The following TBC1D1 variants were observed in gnomAD, a reference collection of about 807,000 sequenced individuals.
The protein encoded by TBC1D1 is TBC1 domain family member 1, also known as TBC1 (tre-2/USP6, BUB2, cdc16) domain family, member 1.
Under a neutral mutation model 125.6 loss-of-function variants are expected in TBC1D1, and 89 were observed. The ratio of observed to expected loss-of-function variants is 0.71; its 90% CI spans 0.60 to 0.85. The LOEUF is 0.85. TBC1D1 is among the 40% of genes least tolerant of loss of function. The pLI, the probability that TBC1D1 is intolerant of heterozygous loss-of-function variation, is 0.00. For missense variants in TBC1D1, 1,377 were observed against 1,469.2 expected (o/e 0.94, Z 1.03); for synonymous variants, 565 against 564.1 (o/e 1.00, Z -0.02).
chr4:37,942,598 G>A (rs1725799962), intron 2 of TBC1D1, among the ~76,000 whole-genome samples: 1 of 152,020 alleles, frequency 6.6e-6, no homozygotes, highest in Admixed American at 6.5e-5. Context: ...GAGTGCAGTG[G>A]CACGATCTCG....
chr4:38,057,024 G>T (rs928098342), intron 12 of TBC1D1, among the ~76,000 whole-genome samples: 1 of 152,078 alleles, frequency 6.6e-6, no homozygotes, highest in African/African-American at 2.4e-5. Flanking sequence ...ACAGGGCCTG[G>T]CATAGATGCT....
intron 2 of TBC1D1, among the ~76,000 whole-genome samples, chr4:37,999,085 C>A (rs73236878): frequency 0.091 from 13,909 of 152,078 alleles, 1,282 homozygotes; most frequent in East Asian, 0.47. Context: ...CCTGTTTCCA[C>A]TAAAAATACA....
At position 37,921,065 on chromosome 4, in the gene TBC1D1, G is replaced by A. The variant is rs1251260701; in HGVS notation, c.417+18553G>A. Among the ~76,000 whole-genome samples the A allele has an allele frequency of 4.3e-5, 6 of 140,308 alleles. No individual in the cohort carries two copies. The East Asian group carries it at 8.7e-4, about 20-fold the overall frequency. The allele number at this position is 140,308 out of a possible 152,430, so 92.0% of individuals were successfully genotyped here. On this transcript the variant is annotated intron_variant, in intron 2 of 19. Transcript: ENST00000261439. ...GCGAAGGTTGCAGCGAGCCGAGATC[G>A]CGCCACTGCACTCCAGCCAGGGCGA...
At position 38,014,736 on chromosome 4, in the gene TBC1D1, C is replaced by T. The variant is rs201858985; in HGVS notation, c.645C>T (p.Asn215=). The stretch of plus-strand genomic sequence containing the variant: ...GGGGGTCCGAGAGCCCCCGCCCCAA[C>T]CCGCCCCATGCCGCGCCCACAGGGA... Residue 215 remains asparagine, a synonymous_variant, in exon 3 of 20, where the codon AAC becomes AAT. Transcript: ENST00000261439. This position sits in a 1 kb window ranked among gnomAD's most constrained non-coding sequence, Gnocchi z 5.1. 2.0e-5 allele frequency: 29 copies of T among 1,469,448 alleles called. No individual in the cohort carries two copies. The South Asian group carries it at 2.5e-4, about 13-fold the overall frequency. 91.0% of individuals were successfully genotyped at this position (1,469,448 alleles called of 1,614,324 possible).
intron 1 of TBC1D1, among the ~76,000 whole-genome samples, chr4:37,892,288 C>A (rs1450002468): frequency 6.6e-6 from 1 of 152,142 alleles, no homozygotes; most frequent in Non-Finnish European, 1.5e-5. Flanking sequence ...TGGTGGCACC[C>A]ACCTGTAGTC....
At chr4:37,895,029 G>A (rs1457916765) in intron 1 of TBC1D1, among the ~76,000 whole-genome samples, 3 of 152,208 alleles carry the variant, frequency 2.0e-5, no homozygotes, top group Non-Finnish European at 4.4e-5. Context: ...CCATGAAGTG[G>A]TAGGTGGTCA....
intron 3 of TBC1D1, among the ~76,000 whole-genome samples, chr4:38,017,606 T>C (rs909152657): frequency 2.6e-5 from 4 of 152,208 alleles, no homozygotes; most frequent in African/African-American, 9.7e-5. Flanking sequence ...CATCAAAGCG[T>C]AAAGAGTTTA....
chr4:37,926,030 C>T (rs1044886256), intron 2 of TBC1D1, among the ~76,000 whole-genome samples: 1 of 152,174 alleles, frequency 6.6e-6, no homozygotes, highest in African/African-American at 2.4e-5. Flanking sequence ...CCAGATGGTG[C>T]CCTGCAATGG....
At chr4:38,120,447 T>C (rs992658608) in intron 17 of TBC1D1, among the ~76,000 whole-genome samples, 4 of 152,234 alleles carry the variant, frequency 2.6e-5, no homozygotes, top group Non-Finnish European at 5.9e-5. Context: ...ATAGCTTAGT[T>C]TTATATTTCA....
At chr4:37,899,201 G>A (rs10010366) in intron 1 of TBC1D1, among the ~76,000 whole-genome samples, 36,671 of 151,958 alleles carry the variant, frequency 0.24, 4,685 homozygotes, top group South Asian at 0.26. Context: ...ATGAAGAAGG[G>A]ATCTGAATGA....
intron 12 of TBC1D1, among the ~76,000 whole-genome samples, chr4:38,066,549 T>C (rs775066012): frequency 1.3e-5 from 2 of 151,992 alleles, no homozygotes; most frequent in Non-Finnish European, 2.9e-5. Context: ...CCCAGGCTGG[T>C]CTTGAACTCT....
intron 2 of TBC1D1, among the ~76,000 whole-genome samples, chr4:37,985,367 T>C (rs1347972850): frequency 6.6e-6 from 1 of 152,236 alleles, no homozygotes; most frequent in African/African-American, 2.4e-5. Flanking sequence ...CTGTGCTCTT[T>C]TGTTAAATTT....
intron 7 of TBC1D1, among the ~76,000 whole-genome samples, chr4:38,031,201 C>T (rs1412319434): frequency 2.0e-5 from 3 of 152,182 alleles, no homozygotes; most frequent in African/African-American, 4.8e-5. Context: ...AATAAAATAT[C>T]TCCAAGTCTA....
At chr4:38,050,261 G>A (rs1750260745) in intron 11 of TBC1D1, among the ~76,000 whole-genome samples, 1 of 152,226 alleles carries the variant, frequency 6.6e-6, no homozygotes, top group Non-Finnish European at 1.5e-5. Context: ...ATGGGAGGGA[G>A]AGGCGCTGAT....
At chr4:38,089,630 A>G (rs1758095581) in intron 12 of TBC1D1, among the ~76,000 whole-genome samples, 1 of 152,276 alleles carries the variant, frequency 6.6e-6, no homozygotes, top group East Asian at 1.9e-4. Flanking sequence ...TTCTGTAATT[A>G]TCAATAATAT....
intron 2 of TBC1D1, among the ~76,000 whole-genome samples, chr4:37,907,860 C>G (rs534615857): frequency 2.1e-4 from 32 of 152,322 alleles, no homozygotes; most frequent in Admixed American, 1.9e-3. Context: ...AATCTCTACT[C>G]AGAAGAAAAT....
intron 17 of TBC1D1, chr4:38,120,178 G>T (rs1763622046): frequency 4.5e-6 from 4 of 879,286 alleles, no homozygotes; most frequent in Non-Finnish European, 5.5e-6. Flanking sequence ...TATGCATAGA[G>T]ATGCCAGTGT....
At chr4:38,109,718 A>G (rs1761923555) in intron 15 of TBC1D1, among the ~76,000 whole-genome samples, 1 of 152,198 alleles carries the variant, frequency 6.6e-6, no homozygotes, top group African/African-American at 2.4e-5. Context: ...TAACCCTGCC[A>G]TTCAGGATGA....
chr4:38,010,180 G>A (rs1478703542), intron 2 of TBC1D1, among the ~76,000 whole-genome samples: 1 of 152,166 alleles, frequency 6.6e-6, no homozygotes, highest in East Asian at 1.9e-4. Flanking sequence ...TGGGGGTTTA[G>A]TATTGTCTTC....
Sources: gnomAD v4.1 joint callset for allele counts (sites outside exome capture counted in the v4.1 genomes callset) on GRCh38, gnomAD v4.1.1 for gene constraint, Gnocchi (gnomAD v3.1) non-coding constraint, MANE v1.5 for transcripts, NCBI Gene and HGNC (gene_info 2026-07-23, HGNC 2026-07-21) for gene names.